The following CAMTA1 variants were observed in gnomAD, a reference collection of about 807,000 sequenced individuals.
CAMTA1 encodes calmodulin binding transcription activator 1.
CAMTA1 carries 27 observed loss-of-function variants against 170.9 expected under a neutral mutation model. The observed-to-expected ratio is 0.16, with a 90% CI of 0.12 to 0.22. The LOEUF is 0.22. Among genes scored for constraint, CAMTA1 ranks in the 10% least tolerant of loss-of-function variants. The pLI, the probability that CAMTA1 is intolerant of heterozygous loss-of-function variation, is 1.00. For synonymous variants in CAMTA1, 833 were observed against 891.5 expected (o/e 0.93, Z 1.17); for missense variants, 1,619 against 2,217.2 (o/e 0.73, Z 5.42).
chr1:7,320,649 G>GTTTTT (rs55683398), intron 5 of CAMTA1, among the ~76,000 whole-genome samples: 26 of 80,296 alleles, frequency 3.2e-4, no homozygotes, highest in South Asian at 4.9e-4. Context: ...TGCTGTGTGT[G>GTTTTT]TTTTTTTTTT....
intron 6 of CAMTA1, among the ~76,000 whole-genome samples, chr1:7,582,434 G>T (rs1483747718): frequency 1.3e-5 from 2 of 152,158 alleles, no homozygotes; most frequent in Non-Finnish European, 2.9e-5. Flanking sequence ...CTGGGCTCTG[G>T]ATTCTCTGGG....
intron 5 of CAMTA1, among the ~76,000 whole-genome samples, chr1:7,391,466 G>T (rs1224068037): frequency 3.3e-5 from 5 of 152,074 alleles, no homozygotes; most frequent in Non-Finnish European, 7.4e-5. Flanking sequence ...CAGGTCATAT[G>T]GCTAAGGGGC....
intron 6 of CAMTA1, among the ~76,000 whole-genome samples, chr1:7,499,625 AGTGT>A (rs1484935543): frequency 1.6e-5 from 2 of 122,416 alleles, no homozygotes; most frequent in Non-Finnish European, 1.7e-5. Context: ...TGCATGAGTG[AGTGT>A]GAGCCTGGTG....
At chr1:6,866,602 A>G (rs1666648793) in intron 3 of CAMTA1, among the ~76,000 whole-genome samples, 1 of 152,174 alleles carries the variant, frequency 6.6e-6, no homozygotes, top group African/African-American at 2.4e-5. Flanking sequence ...GGTCTAGACT[A>G]TGATAGAGTT....
At position 7,655,476 on chromosome 1, in the gene CAMTA1, TACAA is replaced by T. The variant is rs1403211750; in HGVS notation, c.665-6246_665-6243del. On this transcript the variant is annotated intron_variant, in intron 7 of 22. Coordinates refer to ENST00000303635, the MANE Select transcript of CAMTA1 (RefSeq NM_015215.4). ...ACCTATACACAAACACACCCACCTA[TACAA>T]ACACACACCTATACAACACACATAC... 3.8e-3 allele frequency among the ~76,000 whole-genome samples: 497 copies of T among 131,812 alleles called. 4 individuals carry two copies. Among genetic ancestry groups the T allele is most frequent in the African/African-American group, 0.013 (453 of 35,462 alleles). 86.5% of individuals were successfully genotyped at this position (131,812 alleles called of 152,430 possible).
chr1:7,407,031 G>A (rs2090343933), intron 5 of CAMTA1, among the ~76,000 whole-genome samples: 2 of 152,202 alleles, frequency 1.3e-5, no homozygotes, highest in Non-Finnish European at 2.9e-5. Context: ...CCGCAGCCCG[G>A]CGGCACATGC....
chr1:7,606,594 C>G (rs2095488471), intron 6 of CAMTA1, among the ~76,000 whole-genome samples: 1 of 152,200 alleles, frequency 6.6e-6, no homozygotes, highest in Admixed American at 6.5e-5. Flanking sequence ...CTGCCAGGGA[C>G]TCGTTTGAAA....
intron 5 of CAMTA1, among the ~76,000 whole-genome samples, chr1:7,261,822 G>C (rs968102642): frequency 5.3e-5 from 8 of 152,220 alleles, no homozygotes; most frequent in Admixed American, 3.3e-4. Flanking sequence ...GGCGTTGTCT[G>C]ATAGCTTGAG....
intron 11 of CAMTA1, among the ~76,000 whole-genome samples, chr1:7,704,722 G>A (rs1389332475): frequency 6.8e-6 from 1 of 148,080 alleles, no homozygotes; most frequent in Admixed American, 6.7e-5. Context: ...GGGCAGTGGC[G>A]GGGAGACCGC....
chr1:6,909,066 A>G (rs889708391), intron 3 of CAMTA1, among the ~76,000 whole-genome samples: 1 of 152,206 alleles, frequency 6.6e-6, no homozygotes, highest in African/African-American at 2.4e-5. Flanking sequence ...TTTTTTTCCA[A>G]TGGTGACAGG....
chr1:7,141,480 G>A (rs537266075), intron 4 of CAMTA1, among the ~76,000 whole-genome samples: 3 of 152,280 alleles, frequency 2.0e-5, no homozygotes, highest in South Asian at 2.1e-4. Context: ...TCTCCAGATC[G>A]CCCATGGAAG....
chr1:6,839,228 A>G (rs919208693), intron 3 of CAMTA1, among the ~76,000 whole-genome samples: 2 of 151,858 alleles, frequency 1.3e-5, no homozygotes, highest in African/African-American at 2.4e-5. Flanking sequence ...TAAAAATACA[A>G]TAAATTAGCT....
At position 6,787,985 on chromosome 1, in the gene CAMTA1, T is replaced by A. The variant is rs1399113829; in HGVS notation, c.45+2410T>A. Among the ~76,000 whole-genome samples, 3 of 152,208 alleles carry A rather than the reference T, an allele frequency of 2.0e-5. No homozygotes were observed. In the East Asian group the frequency reaches 5.8e-4, roughly 29 times the overall value. ...TGACCGTAAATATGTCCCTTTTGTA[T>A]TTTGGCCATTTAAATAATTGAGAGA... On this transcript the variant is annotated intron_variant, in intron 1 of 22. Transcript: ENST00000303635.
At chr1:7,644,860 A>G (rs148174025) in intron 7 of CAMTA1, among the ~76,000 whole-genome samples, 1 of 152,296 alleles carries the variant, frequency 6.6e-6, no homozygotes, top group African/African-American at 2.4e-5. Context: ...GGCTGAGTAG[A>G]GCTGTGCTTA....
At chr1:7,285,678 C>T (rs985017059) in intron 5 of CAMTA1, among the ~76,000 whole-genome samples, 4 of 152,142 alleles carry the variant, frequency 2.6e-5, no homozygotes, top group African/African-American at 4.8e-5. Flanking sequence ...AAGGGGAACT[C>T]GGCGCACAGG....
intron 1 of CAMTA1, among the ~76,000 whole-genome samples, chr1:6,814,018 T>C (rs1041014104): frequency 6.6e-6 from 1 of 152,224 alleles, no homozygotes; most frequent in Non-Finnish European, 1.5e-5. Flanking sequence ...TGAGCTTGTG[T>C]TATGTACCAG....
chr1:7,186,092 T>A (rs566601979), intron 4 of CAMTA1, among the ~76,000 whole-genome samples: 24 of 152,180 alleles, frequency 1.6e-4, no homozygotes, highest in African/African-American at 2.4e-4. Context: ...TTTGCCTTAC[T>A]CTAAAACAGT....
chr1:7,692,553 A>T (rs956784792), intron 11 of CAMTA1, among the ~76,000 whole-genome samples: 1 of 152,140 alleles, frequency 6.6e-6, no homozygotes, highest in Admixed American at 6.5e-5. Context: ...ATGAGTGAGT[A>T]GGTGAGTCGG....
chr1:6,924,592 A>G (rs1306085145), intron 3 of CAMTA1, among the ~76,000 whole-genome samples: 1 of 152,136 alleles, frequency 6.6e-6, no homozygotes, highest in Admixed American at 6.5e-5. Flanking sequence ...GAGGAAATAT[A>G]TATTTAGACT....
Sources: gnomAD v4.1 joint callset for allele counts (sites outside exome capture counted in the v4.1 genomes callset) on GRCh38, gnomAD v4.1.1 for gene constraint, MANE v1.5 for transcripts, NCBI Gene and HGNC (gene_info 2026-07-23, HGNC 2026-07-21) for gene names.